The following SNORC variants were observed in gnomAD, a reference collection of about 807,000 sequenced individuals.
SNORC encodes secondary ossification center associated regulator of chondrocyte maturation.
In SNORC, 11 loss-of-function variants were observed where a neutral mutation model predicts 9.7. The observed-to-expected ratio is 1.14, with a 90% CI of 0.72 to 1.88. SNORC has a LOEUF of 1.88. SNORC is among the 40% of genes most tolerant of loss of function. The pLI, the probability that SNORC is intolerant of heterozygous loss-of-function variation, is 0.00. For synonymous variants in SNORC, 108 were observed against 88.7 expected (o/e 1.22, Z -1.22); for missense variants, 197 against 173.1 (o/e 1.14, Z -0.77).
At chr2:232,873,085 A>G (rs943333462) in intron 1 of SNORC, among the ~76,000 whole-genome samples, 1 of 152,200 alleles carries the variant, frequency 6.6e-6, no homozygotes, top group Non-Finnish European at 1.5e-5. Context: ...ACCCATAGCA[A>G]CTGGGCTTGT....
chr2:232,873,156 C>T (rs1691095286), intron 1 of SNORC, among the ~76,000 whole-genome samples: 1 of 152,240 alleles, frequency 6.6e-6, no homozygotes, highest in African/African-American at 2.4e-5. Flanking sequence ...CACACAGTTA[C>T]CTCCTTGTGC....
At chr2:232,877,374 T>A, downstream of SNORC, 1 of 985,298 alleles carries the variant, frequency 1.0e-6, no homozygotes. Flanking sequence ...TTTGATCCTT[T>A]GATCATTTAA....
rs1435901633 is a variant in SNORC at position 232,876,004 on chromosome 2, A to G, written c.138A>G (p.Glu46=). Residue 46 remains glutamate, a synonymous_variant, in exon 2 of 3, where the codon GAA becomes GAG. Transcript: ENST00000331342. This position sits in a 1 kb window ranked among gnomAD's most constrained non-coding sequence, Gnocchi z 6.8. ...AGCCGGCCGAGCTGCCGTCGGGAGA[A>G]GGCCCCGTGGAGAGCACCAGCCCCG... The G allele has an allele frequency of 6.4e-7, 1 of 1,553,652 alleles. No individual in the cohort carries two copies. Among genetic ancestry groups the G allele is most frequent in the Non-Finnish European group, 8.7e-7 (1 of 1,151,840 alleles).
intron 1 of SNORC, among the ~76,000 whole-genome samples, chr2:232,873,140 G>T (rs550397791): frequency 6.6e-6 from 1 of 152,348 alleles, no homozygotes; most frequent in South Asian, 2.1e-4. Context: ...TGAAGATGCT[G>T]GTGTTCACAC....
At chr2:232,873,724 C>T (rs1433579996) in intron 1 of SNORC, among the ~76,000 whole-genome samples, 3 of 152,240 alleles carry the variant, frequency 2.0e-5, no homozygotes, top group African/African-American at 7.2e-5. Flanking sequence ...CCCCCAGAAG[C>T]CTGAGGCAGC....
In SNORC at chr2:232,876,072, C is replaced by T; in HGVS notation, c.206C>T (p.Ala69Val). ...ACCGGTCCCCCAGCCCCCACCGTCG[C>T]GCCAGGACCCGAGGACAGCACCGCG... Residue 69 changes from alanine (A) to valine (V), a missense_variant, in exon 2 of 3, where the codon GCG becomes GTG. By Grantham distance (64) the Ala-to-Val change is moderately conservative. Coordinates refer to ENST00000331342, the Ensembl canonical transcript of SNORC. The surrounding 1 kb of genome is among the most constrained non-coding windows in gnomAD (Gnocchi z 6.8). 1.3e-6 allele frequency: 2 copies of T among 1,533,866 alleles called. No individual in the cohort carries two copies. Among genetic ancestry groups the T allele is most frequent in the Non-Finnish European group, 8.7e-7 (1 of 1,145,274 alleles).
At position 232,876,071 on chromosome 2, in the gene SNORC, GC is replaced by G. The variant is rs1691223948; in HGVS notation, c.206del (p.Ala69GlyfsTer29). 6.5e-7 allele frequency: 1 copy of G among 1,534,288 alleles called. No individual in the cohort carries two copies. ...CACCGGTCCCCCAGCCCCCACCGTC[GC>G]GCCAGGACCCGAGGACAGCACCGCG... is the stretch of plus-strand genomic sequence containing the variant. On this transcript the variant is annotated frameshift_variant, in exon 2 of 3. Coordinates refer to ENST00000331342, the Ensembl canonical transcript of SNORC. LOFTEE classifies it high-confidence loss of function. This position sits in a 1 kb window ranked among gnomAD's most constrained non-coding sequence, Gnocchi z 6.8.
chr2:232,870,279 C>T, upstream of SNORC: 3 of 1,460,704 alleles, frequency 2.1e-6, no homozygotes, highest in Non-Finnish European at 2.8e-6. Context: ...TCTCACTGCC[C>T]TGAAGTTAAC....
intron 1 of SNORC, among the ~76,000 whole-genome samples, chr2:232,872,715 T>C (rs959605944): frequency 6.6e-6 from 1 of 151,996 alleles, no homozygotes; most frequent in Admixed American, 6.6e-5. Context: ...TCCTGCCCCA[T>C]CTCCCCCCTC....
chr2:232,876,078 G>C lies in SNORC; in HGVS notation c.212G>C (p.Gly71Ala), dbSNP rs774172458. Residue 71 changes from glycine (G) to alanine (A), a missense_variant, in exon 2 of 3, where the codon GGA becomes GCA. Physicochemically the swap from Gly to Ala is moderately conservative, Grantham distance 60. Transcript: ENST00000331342. This position sits in a 1 kb window ranked among gnomAD's most constrained non-coding sequence, Gnocchi z 6.8. ...CCCCCAGCCCCCACCGTCGCGCCAG[G>C]ACCCGAGGACAGCACCGCGCAGGAG... 5 of 1,513,034 alleles carry C rather than the reference G, an allele frequency of 3.3e-6. No individual in the cohort carries two copies. In the South Asian group the frequency reaches 3.6e-5, roughly 11 times the overall value. 93.7% of individuals were successfully genotyped at this position (1,513,034 alleles called of 1,614,324 possible).
downstream of SNORC, chr2:232,878,169 A>T (rs1311313886): frequency 6.6e-6 from 1 of 152,314 alleles, no homozygotes; most frequent in Non-Finnish European, 1.5e-5. Context: ...GTCCCACTGG[A>T]TCTAAACCAG....
At chr2:232,878,188 T>A (rs1574977566), downstream of SNORC, 3 of 152,482 alleles carry the variant, frequency 2.0e-5, no homozygotes, top group East Asian at 5.8e-4. Flanking sequence ...AGAGGCCTGT[T>A]CTGGCGAGCA....
intron 1 of SNORC, chr2:232,875,497 G>C: frequency 2.3e-6 from 1 of 434,802 alleles, no homozygotes; most frequent in Non-Finnish European, 4.8e-6. Context: ...GGTTGCCGGG[G>C]ATGGATGGCC....
chr2:232,876,521 T>G, downstream of SNORC: 1 of 1,220,416 alleles, frequency 8.2e-7, no homozygotes, highest in Non-Finnish European at 1.0e-6. This position sits in a 1 kb window ranked among gnomAD's most constrained non-coding sequence, Gnocchi z 6.8. Flanking sequence ...GTGGGTGCCG[T>G]GCACGCGCGC....
intron 1 of SNORC, among the ~76,000 whole-genome samples, chr2:232,870,949 G>A (rs1691004805): frequency 6.6e-6 from 1 of 152,206 alleles, no homozygotes; most frequent in South Asian, 2.1e-4. Context: ...TGGACCTCTG[G>A]ACTGAGATCA....
chr2:232,876,422 C>T (rs1691246542), downstream of SNORC: 1 of 1,458,062 alleles, frequency 6.9e-7, no homozygotes, highest in Non-Finnish European at 9.0e-7. This position sits in a 1 kb window ranked among gnomAD's most constrained non-coding sequence, Gnocchi z 6.8. Context: ...GCCTGTATGT[C>T]CGCGCGTGCG....
At chr2:232,872,278 G>GC (rs1261290772) in intron 1 of SNORC, among the ~76,000 whole-genome samples, 1 of 152,212 alleles carries the variant, frequency 6.6e-6, no homozygotes, top group Non-Finnish European at 1.5e-5. Context: ...CCTGTTGGGG[G>GC]CCTGTGGCCT....
At chr2:232,868,964 ATTT>A (rs1690928826), upstream of SNORC, 1 of 152,242 alleles carries the variant, frequency 6.6e-6, no homozygotes, top group Admixed American at 6.5e-5. Flanking sequence ...CTTGATACTA[ATTT>A]ATTGCTAGCA....
upstream of SNORC, among the ~76,000 whole-genome samples, chr2:232,866,819 T>C (rs1476003748): frequency 6.6e-6 from 1 of 152,216 alleles, no homozygotes; most frequent in Non-Finnish European, 1.5e-5. Context: ...GTTCAAACAA[T>C]TCTCCTGCCT....
Sources: gnomAD v4.1 joint callset for allele counts (sites outside exome capture counted in the v4.1 genomes callset) on GRCh38, gnomAD v4.1.1 for gene constraint, Gnocchi (gnomAD v3.1) non-coding constraint, MANE v1.5 for transcripts, NCBI Gene and HGNC (gene_info 2026-07-23, HGNC 2026-07-21) for gene names.